The following HLCS variants were observed in gnomAD, a reference collection of about 807,000 sequenced individuals.
HLCS encodes holocarboxylase synthetase, also known as biotin--protein ligase.
In HLCS, 53 loss-of-function variants were observed where a neutral mutation model predicts 75.0. The ratio of observed to expected loss-of-function variants is 0.71; its 90% CI spans 0.57 to 0.89. The LOEUF (loss-of-function observed/expected upper bound fraction) is 0.89, where lower values mean the gene tolerates loss of function less well. Among genes scored for constraint, HLCS ranks in the 40% least tolerant of loss-of-function variants. HLCS has a pLI of 0.00. For missense variants in HLCS, 966 were observed against 1,074.0 expected, an observed-to-expected ratio of 0.90 and a Z score of 1.41; for synonymous variants, 431 against 428.6, an observed-to-expected ratio of 1.01 and a Z score of -0.07.
At chr21:36,802,059 G>A (rs2061221264) in intron 6 of HLCS, among the ~76,000 whole-genome samples, 1 of 152,164 alleles carries the variant, frequency 6.6e-6, no homozygotes, top group South Asian at 2.1e-4. Flanking sequence ...ACTAACAGTA[G>A]CAAATAATAT....
Position 36,962,141 on chromosome 21 carries a change from T to TAGGGCCC in HLCS, c.218_224dup (p.Phe76GlyfsTer11), listed in dbSNP as rs1364054275. The TAGGGCCC allele has an allele frequency of 7.8e-7, 1 of 1,288,798 alleles. No individual in the cohort carries two copies. Among genetic ancestry groups the TAGGGCCC allele is most frequent in the East Asian group, 5.6e-5 (1 of 18,016 alleles). The allele number at this position is 1,288,798 out of a possible 1,614,324, so 79.8% of individuals were successfully genotyped here. ...CAAGTATAAAAGGAGACACAAGAAA[T>TAGGGCCC]AGGGCCCACTTGTTCAAGTCTTCAA... On this transcript the variant is annotated frameshift_variant, in exon 2 of 11. Coordinates refer to ENST00000674895, the MANE Select transcript of HLCS (RefSeq NM_001352514.2). LOFTEE classifies it high-confidence loss of function.
intron 6 of HLCS, among the ~76,000 whole-genome samples, chr21:36,825,458 GGTGTGTGTGTGTAT>G (rs1236565237): frequency 6.6e-6 from 1 of 151,834 alleles, no homozygotes; most frequent in African/African-American, 2.4e-5. Context: ...GTTTGGTTCT[GGTGTGTGTGTGTAT>G]GTGTGTGTGT....
chr21:36,782,149 A>G (rs929591049), intron 6 of HLCS, among the ~76,000 whole-genome samples: 13 of 152,158 alleles, frequency 8.5e-5, no homozygotes, highest in African/African-American at 2.9e-4. Flanking sequence ...TAACAGATTT[A>G]AGTATCAATA....
intron 2 of HLCS, among the ~76,000 whole-genome samples, chr21:36,940,408 CTT>C (rs1375538993): frequency 6.6e-6 from 1 of 152,044 alleles, no homozygotes; most frequent in Admixed American, 6.5e-5. Flanking sequence ...AACTCCTGGC[CTT>C]GAGTAATTCT....
chr21:36,987,912 TTTTG>T (rs1367308591), intron 1 of HLCS, among the ~76,000 whole-genome samples: 2 of 152,182 alleles, frequency 1.3e-5, no homozygotes, highest in Non-Finnish European at 2.9e-5. Context: ...TTCTTTGTAG[TTTTG>T]TTTGTTTACA....
At chr21:36,845,970 C>T (rs1363302487) in intron 6 of HLCS, among the ~76,000 whole-genome samples, 2 of 152,186 alleles carry the variant, frequency 1.3e-5, no homozygotes, top group African/African-American at 4.8e-5. Context: ...TTCTGCACTT[C>T]TTAGCTGAGT....
intron 1 of HLCS, chr21:36,980,514 A>C (rs1601942082): frequency 6.6e-6 from 1 of 152,136 alleles, no homozygotes; most frequent in Non-Finnish European, 1.5e-5. Flanking sequence ...AAGGCAGGAA[A>C]CCCGAGCCGT....
chr21:36,754,216 C>G lies in HLCS; in HGVS notation c.*30G>C, dbSNP rs767521131. On this transcript the variant is annotated 3_prime_UTR_variant, in exon 11 of 11. Coordinates refer to ENST00000674895, the MANE Select transcript of HLCS (RefSeq NM_001352514.2). ...AGATTTCCAGATGCATGGGCACGGACAGGCAGCCGCGTCTCGGGGACGCCC... is the reference window on the plus strand; with the variant it reads ...AGATTTCCAGATGCATGGGCACGGAGAGGCAGCCGCGTCTCGGGGACGCCC... The G allele has an allele frequency of 1.9e-6, 3 of 1,611,246 alleles. No individual in the cohort carries two copies. In the East Asian group the frequency reaches 6.7e-5, roughly 36 times the overall value.
At chr21:36,844,222 C>T (rs2062716873) in intron 6 of HLCS, among the ~76,000 whole-genome samples, 1 of 151,996 alleles carries the variant, frequency 6.6e-6, no homozygotes, top group African/African-American at 2.4e-5. Context: ...CATAGAACTC[C>T]GCAGCACGAG....
At chr21:36,814,395 T>C (rs1003235420) in intron 6 of HLCS, among the ~76,000 whole-genome samples, 1 of 152,214 alleles carries the variant, frequency 6.6e-6, no homozygotes, top group Non-Finnish European at 1.5e-5. Context: ...TAAATGTGAA[T>C]TTCAGATAAA....
intron 6 of HLCS, among the ~76,000 whole-genome samples, chr21:36,838,388 G>A (rs908358261): frequency 1.1e-4 from 16 of 151,920 alleles, no homozygotes; most frequent in Non-Finnish European, 1.2e-4. Flanking sequence ...TGGAAAAAGG[G>A]TCTTTGCAGA....
At chr21:36,785,407 T>C (rs2060657302) in intron 6 of HLCS, among the ~76,000 whole-genome samples, 1 of 152,160 alleles carries the variant, frequency 6.6e-6, no homozygotes, top group Non-Finnish European at 1.5e-5. Context: ...AAATGGTTAT[T>C]TTCCATCCCT....
chr21:36,937,057 C>A lies in HLCS; in HGVS notation c.829G>T (p.Asp277Tyr). 6 of 1,614,148 alleles carry A rather than the reference C, an allele frequency of 3.7e-6. No homozygotes were observed. Among genetic ancestry groups the A allele is most frequent in the Non-Finnish European group, 5.1e-6 (6 of 1,180,026 alleles). Residue 277 changes from aspartate to tyrosine, a missense_variant, in exon 4 of 11, where the codon GAC becomes TAC. Physicochemically the swap from Asp to Tyr is radical, Grantham distance 160. Transcript: ENST00000674895. ...CTGCTGCTATAATCGTAGGGAAGGT[C>A]TGGAATGTTCTCGGCAGACGCAAAC... ...VKFASAENIP[D>Y]LPYDYSSSLE...
chr21:36,862,513 G>T (rs535042561), intron 6 of HLCS, among the ~76,000 whole-genome samples: 31 of 152,164 alleles, frequency 2.0e-4, no homozygotes, highest in Non-Finnish European at 4.1e-4. Flanking sequence ...GTTTTGATTG[G>T]CATCTCCCTG....
intron 6 of HLCS, among the ~76,000 whole-genome samples, chr21:36,882,781 T>C (rs1395854853): frequency 1.3e-5 from 2 of 152,040 alleles, no homozygotes; most frequent in Non-Finnish European, 2.9e-5. Context: ...TTTTTGTATT[T>C]CATTTTTAGG....
chr21:36,843,076 G>A (rs1289071155), intron 6 of HLCS, among the ~76,000 whole-genome samples: 1 of 152,226 alleles, frequency 6.6e-6, no homozygotes, highest in Non-Finnish European at 1.5e-5. Flanking sequence ...AGGATACTAA[G>A]CTGAAATGGG....
chr21:36,985,172 T>C (rs532985096), intron 1 of HLCS, among the ~76,000 whole-genome samples: 11 of 152,358 alleles, frequency 7.2e-5, no homozygotes, highest in African/African-American at 2.6e-4. Context: ...ATCCATCCAA[T>C]GCTAATAACT....
At chr21:36,819,300 G>C (rs1601386975) in intron 6 of HLCS, among the ~76,000 whole-genome samples, 1 of 152,200 alleles carries the variant, frequency 6.6e-6, no homozygotes, top group East Asian at 1.9e-4. Flanking sequence ...TTCCCCAGAG[G>C]GGTGTGGGCA....
chr21:36,798,290 C>A (rs1169579377), intron 6 of HLCS, among the ~76,000 whole-genome samples: 1 of 152,156 alleles, frequency 6.6e-6, no homozygotes, highest in Non-Finnish European at 1.5e-5. Flanking sequence ...TGAATTTTCA[C>A]TTAGCATAAT....
Sources: allele counts gnomAD v4.1 joint callset (sites outside exome capture counted in the v4.1 genomes callset), GRCh38; gene constraint gnomAD v4.1.1; transcripts MANE v1.5; gene names NCBI Gene and HGNC (gene_info 2026-07-23, HGNC 2026-07-21).